Variants in CASK observed in about 807,000 individuals in gnomAD.
The protein encoded by CASK is peripheral plasma membrane protein CASK.
A neutral mutation model predicts 82.9 loss-of-function variants in CASK; 4 were observed. The ratio of observed to expected loss-of-function variants is 0.05; its 90% CI spans 0.02 to 0.11. The LOEUF is 0.11. CASK is among the 10% of genes least tolerant of loss of function. CASK has a pLI of 1.00. For missense variants in CASK, 358 were observed against 720.9 expected (o/e 0.50, Z 5.76); for synonymous variants, 259 against 253.5 (o/e 1.02, Z -0.20).
intron 2 of CASK, among the ~76,000 whole-genome samples, chrX:41,827,545 A>G (rs1205726983): frequency 8.9e-6 from 1 of 112,155 alleles, no homozygotes; most frequent in Non-Finnish European, 1.9e-5. Flanking sequence ...CAAAGGCGCC[A>G]TCTTCTAATA....
chrX:41,799,966 G>A (rs1163014974), intron 2 of CASK, among the ~76,000 whole-genome samples: 1 of 108,245 alleles, frequency 9.2e-6, no homozygotes, highest in African/African-American at 3.4e-5. Context: ...GGCCTATATA[G>A]AGCAAGCGGC....
At chrX:41,873,734 TA>T (rs1390122422) in intron 1 of CASK, among the ~76,000 whole-genome samples, 1 of 110,632 alleles carries the variant, frequency 9.0e-6, no homozygotes, top group East Asian at 2.8e-4. Context: ...TTACTGTGCT[TA>T]ATGAGATTGT....
intron 5 of CASK, among the ~76,000 whole-genome samples, chrX:41,698,987 C>T (rs1244413911): frequency 9.0e-6 from 1 of 111,055 alleles, no homozygotes; most frequent in East Asian, 2.8e-4. Flanking sequence ...AGTACAGTGG[C>T]GTGATCTTAG....
chrX:41,637,790 A>G (rs1311524703), intron 8 of CASK, among the ~76,000 whole-genome samples: 2 of 109,449 alleles, frequency 1.8e-5, no homozygotes, highest in Non-Finnish European at 3.8e-5. Flanking sequence ...ACTACAGGCA[A>G]GTGCCACCAT....
chrX:41,906,311 A>G (rs1318098455), intron 1 of CASK, among the ~76,000 whole-genome samples: 2 of 112,094 alleles, frequency 1.8e-5, no homozygotes, highest in African/African-American at 6.5e-5. Flanking sequence ...TATGTATTAA[A>G]CATATGGTTT....
intron 3 of CASK, among the ~76,000 whole-genome samples, chrX:41,780,489 T>G (rs1169995149): frequency 1.8e-5 from 2 of 111,690 alleles, no homozygotes; most frequent in Non-Finnish European, 3.8e-5. Flanking sequence ...GGTACCTGCT[T>G]GTTTAACAAG....
chrX:41,801,825 T>C (rs888993879), intron 2 of CASK, among the ~76,000 whole-genome samples: 3 of 111,493 alleles, frequency 2.7e-5, no homozygotes, highest in African/African-American at 9.8e-5. Flanking sequence ...GAGGATTAAC[T>C]GGAAAGTTCC....
chrX:41,522,514 C>T (rs1011896621), intron 26 of CASK, among the ~76,000 whole-genome samples: 1 of 111,921 alleles, frequency 8.9e-6, no homozygotes, highest in African/African-American at 3.3e-5. Context: ...TCATAATCAA[C>T]ACAATGCAAA....
intron 5 of CASK, chrX:41,728,903 A>G (rs1475142667): frequency 8.1e-6 from 1 of 123,588 alleles, no homozygotes; most frequent in Non-Finnish European, 1.9e-5. Flanking sequence ...GGGGAGAAGC[A>G]ATATTCATTG....
At chrX:41,579,795 G>T (rs2065542889) in intron 14 of CASK, among the ~76,000 whole-genome samples, 1 of 110,995 alleles carries the variant, frequency 9.0e-6, no homozygotes, top group Admixed American at 9.6e-5. Flanking sequence ...GTCATGACTT[G>T]GCTATTTAAT....
Position 41,677,863 on chromosome X carries a change from C to T in CASK, c.430-6333G>A, listed in dbSNP as rs773679901. Reference sequence around the variant, plus strand: ...TGCTGGGATGTATGGGCAACTTGCCCGTCTCCAGGCAAAAATAAAACAAAA... The same window carrying T: ...TGCTGGGATGTATGGGCAACTTGCCTGTCTCCAGGCAAAAATAAAACAAAA... On this transcript the variant is annotated intron_variant, in intron 5 of 26. Coordinates refer to ENST00000378163, the MANE Select transcript of CASK (RefSeq NM_001367721.1). Among the ~76,000 whole-genome samples, 15 of 112,301 alleles carry T rather than the reference C, an allele frequency of 1.3e-4. No homozygotes were observed. The South Asian group carries it at 3.3e-3, about 25-fold the overall frequency.
intron 5 of CASK, among the ~76,000 whole-genome samples, chrX:41,681,574 C>T (rs2067355374): frequency 1.8e-5 from 2 of 111,468 alleles, no homozygotes; most frequent in Admixed American, 1.9e-4. Context: ...AAAGTAATCT[C>T]ACAGTTCTCA....
At chrX:41,558,953 C>T (rs1282073121) in intron 18 of CASK, 3 of 111,811 alleles carry the variant, frequency 2.7e-5, no homozygotes, top group Non-Finnish European at 3.8e-5. Context: ...GTGTGTACTT[C>T]ATATTGATGC....
intron 3 of CASK, among the ~76,000 whole-genome samples, chrX:41,747,531 T>C (rs1383675078): frequency 9.0e-6 from 1 of 111,607 alleles, no homozygotes; most frequent in East Asian, 2.8e-4. Context: ...CTCCGCCTCC[T>C]GGGTTCATGC....
chrX:41,859,987 AC>A (rs752149954), intron 1 of CASK, among the ~76,000 whole-genome samples: 1 of 111,258 alleles, frequency 9.0e-6, no homozygotes, highest in African/African-American at 3.3e-5. Flanking sequence ...ATATATACAC[AC>A]ATACATGTAT....
intron 1 of CASK, among the ~76,000 whole-genome samples, chrX:41,894,945 A>G (rs1302973397): frequency 1.8e-5 from 2 of 112,202 alleles, no homozygotes; most frequent in Non-Finnish European, 1.9e-5. Context: ...TTTCATTTAG[A>G]TTTTTGTTTC....
chrX:41,912,300 GTTTTTTTTTTTTT>G (rs774775542), intron 1 of CASK, among the ~76,000 whole-genome samples: 2 of 53,170 alleles, frequency 3.8e-5, no homozygotes, highest in African/African-American at 1.5e-4. Context: ...TTTGTTTTCT[GTTTTTTTTTTTTT>G]TTTTTTTTTT....
intron 3 of CASK, chrX:41,786,818 A>G: frequency 5.1e-6 from 1 of 197,017 alleles, no homozygotes; most frequent in Non-Finnish European, 9.3e-6. Flanking sequence ...ACTTGTTTTT[A>G]GTTGCCAAGA....
intron 1 of CASK, among the ~76,000 whole-genome samples, chrX:41,893,343 C>T (rs1331434042): frequency 8.9e-6 from 1 of 112,132 alleles, no homozygotes; most frequent in Non-Finnish European, 1.9e-5. Flanking sequence ...AAAACAATAG[C>T]AATCATTAGA....
Sources: allele counts gnomAD v4.1 joint callset (sites outside exome capture counted in the v4.1 genomes callset), GRCh38; gene constraint gnomAD v4.1.1; transcripts MANE v1.5; gene names NCBI Gene and HGNC (gene_info 2026-07-23, HGNC 2026-07-21).